LAMA2: variants seen among roughly 807,000 people sequenced by gnomAD.
LAMA2 encodes laminin subunit alpha 2, also known as laminin subunit alpha-2.
Under a neutral mutation model 364.8 loss-of-function variants are expected in LAMA2, and 269 were observed. The observed-to-expected ratio is 0.74, with a 90% CI of 0.67 to 0.82. The LOEUF is 0.82. Among genes scored for constraint, LAMA2 ranks in the 40% least tolerant of loss-of-function variants. The probability of loss-of-function intolerance (pLI) is 0.00; values close to 1 mark genes in which losing one functional copy is unlikely to be tolerated. For missense variants in LAMA2, 3,807 were observed against 3,873.2 expected, an observed-to-expected ratio of 0.98 and a Z score of 0.45; for synonymous variants, 1,379 against 1,370.6, an observed-to-expected ratio of 1.01 and a Z score of -0.14.
intron 12 of LAMA2, among the ~76,000 whole-genome samples, chr6:129,240,772 C>T (rs1785346028): frequency 1.3e-5 from 2 of 152,248 alleles, no homozygotes; most frequent in Middle Eastern, 3.4e-3. Flanking sequence ...GCATTTATAA[C>T]TTATAAAGTA....
intron 1 of LAMA2, among the ~76,000 whole-genome samples, chr6:129,046,491 C>T (rs1441270501): frequency 1.3e-5 from 2 of 152,172 alleles, no homozygotes; most frequent in Non-Finnish European, 2.9e-5. Flanking sequence ...TATTTACTAT[C>T]ACGAGAACAG....
chr6:129,304,016 T>G (rs1446781274), intron 22 of LAMA2, among the ~76,000 whole-genome samples: 1 of 152,102 alleles, frequency 6.6e-6, no homozygotes, highest in Non-Finnish European at 1.5e-5. Context: ...AAAAGCTCAC[T>G]ATTTGAAAAG....
intron 3 of LAMA2, among the ~76,000 whole-genome samples, chr6:129,089,070 G>C (rs1583022025): frequency 6.6e-6 from 1 of 152,232 alleles, no homozygotes; most frequent in African/African-American, 2.4e-5. Flanking sequence ...TCGGCACCTC[G>C]GGAGGCCGAG....
intron 1 of LAMA2, among the ~76,000 whole-genome samples, chr6:128,930,226 T>C (rs989343532): frequency 6.6e-6 from 1 of 152,254 alleles, no homozygotes; most frequent in African/African-American, 2.4e-5. Context: ...CCTCTATTTC[T>C]AAAGTATTTC....
At chr6:129,071,075 T>A (rs528275188) in intron 3 of LAMA2, among the ~76,000 whole-genome samples, 1 of 152,306 alleles carries the variant, frequency 6.6e-6, no homozygotes, top group African/African-American at 2.4e-5. Flanking sequence ...TGTGCATGGG[T>A]TTTAGTCACA....
rs541197877 is a variant in LAMA2, at chr6:129,383,127, C to T, written c.4965C>T (p.Thr1655=). 44 of 1,613,184 alleles carry T rather than the reference C, an allele frequency of 2.7e-5. 1 individual carries two copies. The Middle Eastern group carries it at 1.5e-3, about 54-fold the overall frequency. ...TEMNELLTRA[T]KVTADGEQTG... Reference sequence around the variant, plus strand: ...TCCCGAATTTGGATCATTAGGCTACCAAAGTGACAGCAGATGGCGAGCAGA... The same window carrying T: ...TCCCGAATTTGGATCATTAGGCTACTAAAGTGACAGCAGATGGCGAGCAGA... The change falls in exon 35 of 65, where the codon ACC becomes ACT. Residue 1655 remains threonine, a synonymous_variant. Transcript: ENST00000421865.
rs199936418 is a variant in LAMA2 at position 129,146,158 on chromosome 6, G to GT, written c.820-793dup. Among the ~76,000 whole-genome samples the GT allele has an allele frequency of 7.0e-3, 1,064 of 151,472 alleles. 13 individuals carry two copies. The highest frequency in any genetic ancestry group is 0.024 in the African/African-American group (1,002 of 41,324). On this transcript the variant is annotated intron_variant, in intron 5 of 64. Transcript: ENST00000421865. Reference sequence around the variant, plus strand: ...CCACCTACATATTCTAGCTAAATCTGTTTTTTTTGTGTGTGTGTATAATTG... The same window carrying GT: ...CCACCTACATATTCTAGCTAAATCTGTTTTTTTTTGTGTGTGTGTATAATTG...
chr6:128,923,253 T>C (rs947925596), intron 1 of LAMA2, among the ~76,000 whole-genome samples: 1 of 151,808 alleles, frequency 6.6e-6, no homozygotes, highest in African/African-American at 2.4e-5. Flanking sequence ...AAGAAAGTCA[T>C]TGGTAGCTTG....
At chr6:129,012,197 C>T (rs1784807039) in intron 1 of LAMA2, among the ~76,000 whole-genome samples, 1 of 152,176 alleles carries the variant, frequency 6.6e-6, no homozygotes, top group Non-Finnish European at 1.5e-5. Flanking sequence ...TCTGCAGAAA[C>T]ATTTAAAATT....
chr6:128,913,063 G>C lies in LAMA2; in HGVS notation c.112+29706G>C, dbSNP rs150360187. 2.0e-5 allele frequency among the ~76,000 whole-genome samples: 3 copies of C among 152,232 alleles called. No individual in the cohort carries two copies. The East Asian group carries it at 5.8e-4, about 29-fold the overall frequency. On this transcript the variant is annotated intron_variant, in intron 1 of 64. Coordinates refer to ENST00000421865, the MANE Select transcript of LAMA2 (RefSeq NM_000426.4). Reference sequence around the variant, plus strand: ...TTAATAAAGAAAAATGTTACTTTGTGATGAGAGAAAATAAGCTAAAAATTA... The same window carrying C: ...TTAATAAAGAAAAATGTTACTTTGTCATGAGAGAAAATAAGCTAAAAATTA...
At chr6:129,389,399 GTAAGGAGCTGCT>G (rs1779197483) in intron 35 of LAMA2, among the ~76,000 whole-genome samples, 1 of 152,180 alleles carries the variant, frequency 6.6e-6, no homozygotes, top group African/African-American at 2.4e-5. Context: ...TTGGTGCCTG[GTAAGGAGCTGCT>G]TCCTGGTTCA....
chr6:129,510,521 TAAAC>T (rs1481375386), intron 62 of LAMA2, among the ~76,000 whole-genome samples: 1 of 152,052 alleles, frequency 6.6e-6, no homozygotes, highest in Non-Finnish European at 1.5e-5. Context: ...TCATTAGAAA[TAAAC>T]TAATAAGCAC....
intron 4 of LAMA2, 69 bp from the exon 5 acceptor site, chr6:129,143,832 A>G: frequency 8.3e-7 from 1 of 1,206,706 alleles, no homozygotes; most frequent in Non-Finnish European, 1.2e-6. Flanking sequence ...TTTTTCCAAG[A>G]AAAAGAAACA....
intron 10 of LAMA2, among the ~76,000 whole-genome samples, chr6:129,182,975 AT>A (rs1781018055): frequency 6.6e-6 from 1 of 151,964 alleles, no homozygotes; most frequent in Admixed American, 6.6e-5. Context: ...GGAGAATGAA[AT>A]TTTTAATACA....
rs555597964 is a variant in LAMA2, at chr6:129,278,923, A to G, written c.2451-1138A>G. Among the ~76,000 whole-genome samples, 5 of 152,266 alleles carry G rather than the reference A, an allele frequency of 3.3e-5. No homozygotes were observed. The East Asian group carries it at 9.7e-4, about 29-fold the overall frequency. On this transcript the variant is annotated intron_variant, in intron 17 of 64. Coordinates refer to ENST00000421865, the MANE Select transcript of LAMA2 (RefSeq NM_000426.4). Reference sequence around the variant, plus strand: ...TTAAGCCAGAGAAATACTATTCAGAAATAGTGTTCATGATCTGATCTGCAC... The same window carrying G: ...TTAAGCCAGAGAAATACTATTCAGAGATAGTGTTCATGATCTGATCTGCAC...
At chr6:129,366,081 A>G (rs1031154663) in intron 32 of LAMA2, 138 bp from the exon 33 acceptor site, 1 of 892,260 alleles carries the variant, frequency 1.1e-6, no homozygotes, top group Non-Finnish European at 1.8e-6. Flanking sequence ...ATTTGATAGC[A>G]TTAATATTCT....
chr6:129,334,161 T>G (rs923226295), intron 29 of LAMA2, among the ~76,000 whole-genome samples: 1 of 152,202 alleles, frequency 6.6e-6, no homozygotes, highest in Admixed American at 6.5e-5. Flanking sequence ...TGATTTCTCT[T>G]TTATGTGCAA....
At chr6:129,314,295 A>C (rs1238731230) in intron 23 of LAMA2, among the ~76,000 whole-genome samples, 1 of 150,786 alleles carries the variant, frequency 6.6e-6, no homozygotes, top group East Asian at 2.0e-4. Flanking sequence ...TCTACTCGGA[A>C]GGCTGAGGCC....
chr6:129,421,544 A>G (rs1238662752), intron 40 of LAMA2, among the ~76,000 whole-genome samples: 1 of 152,148 alleles, frequency 6.6e-6, no homozygotes, highest in African/African-American at 2.4e-5. Flanking sequence ...ATGCTGCTTC[A>G]TCACCTGTCC....
Sources: gnomAD v4.1 joint callset for allele counts (sites outside exome capture counted in the v4.1 genomes callset) on GRCh38, gnomAD v4.1.1 for gene constraint, MANE v1.5 for transcripts, NCBI Gene and HGNC (gene_info 2026-07-23, HGNC 2026-07-21) for gene names.